GPHN: variants seen among roughly 807,000 people sequenced by gnomAD.
GPHN encodes the protein gephyrin.
A neutral mutation model predicts 95.5 loss-of-function variants in GPHN; 17 were observed. The observed-to-expected ratio is 0.18, with a 90% confidence interval of 0.12 to 0.27. The LOEUF (loss-of-function observed/expected upper bound fraction) is 0.27. Among genes scored for constraint, GPHN ranks in the 10% least tolerant of loss-of-function variants. The probability of loss-of-function intolerance (pLI) is 1.00; values close to 1 mark genes in which losing one functional copy is unlikely to be tolerated. For synonymous variants in GPHN, 320 were observed against 322.5 expected, an observed-to-expected ratio of 0.99 and a Z score of 0.08; for missense variants, 660 against 978.1, an observed-to-expected ratio of 0.67 and a Z score of 4.34.
chr14:66,978,902 A>G (rs887863697), intron 9 of GPHN, among the ~76,000 whole-genome samples: 2 of 152,218 alleles, frequency 1.3e-5, no homozygotes, highest in South Asian at 2.1e-4. Context: ...TAGGGTGAAG[A>G]GTGGATGTTG....
At chr14:66,609,792 G>A (rs1010368489) in intron 1 of GPHN, among the ~76,000 whole-genome samples, 3 of 152,002 alleles carry the variant, frequency 2.0e-5, no homozygotes, top group Non-Finnish European at 4.4e-5. Context: ...AGTTCAGTTC[G>A]GTTCTTTTTA....
intron 1 of GPHN, among the ~76,000 whole-genome samples, chr14:66,646,845 G>A (rs2064775865): frequency 6.6e-6 from 1 of 151,986 alleles, no homozygotes; most frequent in Non-Finnish European, 1.5e-5. Flanking sequence ...TCTTAAGAGG[G>A]ATTAAGGTGG....
the GPHN span, among the ~76,000 whole-genome samples, chr14:67,193,572 G>T: frequency 7.1e-6 from 1 of 140,230 alleles, no homozygotes; most frequent in Non-Finnish European, 1.5e-5. Context: ...TATCTATATA[G>T]ATCTATATAT....
At chr14:67,162,186 T>C (rs1386083812) in intron 19 of GPHN, among the ~76,000 whole-genome samples, 1 of 152,246 alleles carries the variant, frequency 6.6e-6, no homozygotes, top group Non-Finnish European at 1.5e-5. Flanking sequence ...TTACAGAAAT[T>C]ACATTACCTA....
At chr14:67,399,615 GC>G in the GPHN span, among the ~76,000 whole-genome samples, 1 of 147,800 alleles carries the variant, frequency 6.8e-6, no homozygotes, top group South Asian at 2.2e-4. Flanking sequence ...TTCTCAGGTG[GC>G]AGGAATAAAG....
intron 1 of GPHN, among the ~76,000 whole-genome samples, chr14:66,588,856 A>T (rs781034079): frequency 2.0e-5 from 3 of 152,176 alleles, no homozygotes; most frequent in Non-Finnish European, 4.4e-5. Flanking sequence ...AGACAGGCCA[A>T]CATTCAAATT....
chr14:66,692,010 T>A (rs1281128894), intron 2 of GPHN, among the ~76,000 whole-genome samples: 1 of 152,222 alleles, frequency 6.6e-6, no homozygotes. Flanking sequence ...ATAAAACTCC[T>A]GAAATTCTAT....
chr14:66,703,665 A>T (rs1211889005), intron 2 of GPHN, among the ~76,000 whole-genome samples: 2 of 152,234 alleles, frequency 1.3e-5, no homozygotes, highest in Non-Finnish European at 2.9e-5. Flanking sequence ...AAAAACCGGT[A>T]TCAGCCACTG....
At chr14:66,996,954 G>GAAAT (rs2071848226) in intron 9 of GPHN, among the ~76,000 whole-genome samples, 1 of 152,064 alleles carries the variant, frequency 6.6e-6, no homozygotes, top group African/African-American at 2.4e-5. Flanking sequence ...TCAAAAAGCA[G>GAAAT]ATTTATTGAA....
At chr14:67,656,841 G>C in the GPHN span, among the ~76,000 whole-genome samples, 8 of 152,288 alleles carry the variant, frequency 5.3e-5, no homozygotes, top group South Asian at 1.2e-3. Flanking sequence ...AGGAAAGATG[G>C]ATTAAAAATA....
intron 4 of GPHN, among the ~76,000 whole-genome samples, chr14:66,871,627 A>G (rs1480812750): frequency 1.3e-5 from 2 of 152,216 alleles, no homozygotes; most frequent in South Asian, 4.1e-4. Flanking sequence ...TTGGATAATG[A>G]CATGGATGAA....
chr14:67,035,608 A>G (rs1365616619), intron 10 of GPHN, among the ~76,000 whole-genome samples: 1 of 151,934 alleles, frequency 6.6e-6, no homozygotes, highest in Non-Finnish European at 1.5e-5. Flanking sequence ...ATATGCCAAC[A>G]AATTGAATCA....
At chr14:66,533,704 A>T (rs2059027946) in intron 1 of GPHN, among the ~76,000 whole-genome samples, 1 of 152,238 alleles carries the variant, frequency 6.6e-6, no homozygotes, top group African/African-American at 2.4e-5. Context: ...AGATGAACTT[A>T]AATATAGGTA....
chr14:67,109,949 G>A (rs1223959859), intron 13 of GPHN, among the ~76,000 whole-genome samples, 191 bp from the exon 14 acceptor site: 1 of 152,142 alleles, frequency 6.6e-6, no homozygotes, highest in Non-Finnish European at 1.5e-5. Context: ...CAGCTTAAAT[G>A]AACCTAAAGC....
At chr14:67,026,675 C>T (rs1250809414) in intron 10 of GPHN, among the ~76,000 whole-genome samples, 2 of 152,088 alleles carry the variant, frequency 1.3e-5, no homozygotes, top group East Asian at 1.9e-4. Context: ...GACGGAGTCC[C>T]GCTGTCGCCC....
intron 3 of GPHN, among the ~76,000 whole-genome samples, chr14:66,795,754 C>CT (rs1352545946): frequency 6.6e-6 from 1 of 152,068 alleles, no homozygotes; most frequent in Non-Finnish European, 1.5e-5. Context: ...GAGATGTTTG[C>CT]TACACGCATG....
At chr14:67,485,825 C>A in the GPHN span, among the ~76,000 whole-genome samples, 1 of 152,216 alleles carries the variant, frequency 6.6e-6, no homozygotes, top group East Asian at 1.9e-4. Flanking sequence ...GCTTGTCTCG[C>A]TGAGGAGGAG....
intron 2 of GPHN, among the ~76,000 whole-genome samples, chr14:66,732,997 T>G (rs528274044): frequency 6.6e-6 from 1 of 152,252 alleles, no homozygotes; most frequent in Non-Finnish European, 1.5e-5. Flanking sequence ...GGTGGAATGA[T>G]ACAGTTCGGC....
chr14:66,649,275 A>C (rs1181358154), intron 1 of GPHN, among the ~76,000 whole-genome samples: 1 of 152,016 alleles, frequency 6.6e-6, no homozygotes, highest in Non-Finnish European at 1.5e-5. Context: ...TGGAGGTTGC[A>C]GTGAGCCAAG....
Sources: allele counts gnomAD v4.1 joint callset (sites outside exome capture counted in the v4.1 genomes callset), GRCh38; gene constraint gnomAD v4.1.1; transcripts MANE v1.5; gene names NCBI Gene and HGNC (gene_info 2026-07-23, HGNC 2026-07-21).